Variants in ATRX observed in about 807,000 individuals in gnomAD.
ATRX encodes the protein chromatin remodeler ATRX.
Under a neutral mutation model 172.6 loss-of-function variants are expected in ATRX, and 12 were observed. The observed-to-expected ratio is 0.07, with a 90% confidence interval of 0.04 to 0.11. ATRX has a LOEUF of 0.11. ATRX is among the 10% of genes least tolerant of loss of function. The pLI is 1.00. For synonymous variants in ATRX, 674 were observed against 594.7 expected (o/e 1.13, Z -1.94); for missense variants, 1,368 against 1,767.4 (o/e 0.77, Z 4.05).
At chrX:77,636,199 C>T in intron 15 of ATRX, 143 bp from the exon 16 acceptor site, 1 of 597,499 alleles carries the variant, frequency 1.7e-6, no homozygotes, top group Non-Finnish European at 2.7e-6. Context: ...ATCTGTGTCC[C>T]CACCAAATCT....
intron 1 of ATRX, among the ~76,000 whole-genome samples, chrX:77,743,103 C>G (rs1557183092): frequency 9.0e-6 from 1 of 110,578 alleles, no homozygotes; most frequent in African/African-American, 3.3e-5. Context: ...AACACCACCC[C>G]CAGGATTTGA....
intron 7 of ATRX, among the ~76,000 whole-genome samples, chrX:77,685,938 C>A (rs969867068): frequency 2.7e-5 from 3 of 111,783 alleles, no homozygotes; most frequent in Non-Finnish European, 3.8e-5. Context: ...ATAAGCCAGG[C>A]ACAGAAAGAC....
chrX:77,725,704 A>T (rs1295635808), intron 1 of ATRX, among the ~76,000 whole-genome samples: 2 of 112,148 alleles, frequency 1.8e-5, no homozygotes, highest in Non-Finnish European at 3.8e-5. Flanking sequence ...AATGGGAGAA[A>T]ATTTTTGCAA....
At position 77,663,421 on chromosome X, in the gene ATRX, T is replaced by G; in HGVS notation, c.4081A>C (p.Lys1361Gln). Residue 1361 changes from lysine to glutamine, a missense_variant, in exon 12 of 35, where the codon AAA becomes CAA. Physicochemically the swap from Lys to Gln is moderately conservative, Grantham distance 53. Around this residue, in one of 17 missense-constraint regions of ATRX, gnomAD observed 119 missense variants for 131.3 expected, o/e 0.91. Transcript: ENST00000373344. ...ESGEEKKTKPKEHKEVKGRNR... is the reference protein window; with the variant it reads ...ESGEEKKTKPQEHKEVKGRNR... ...CTGCCTTTGACTTCTTTATGCTCTT[T>G]AGGCTTTGTCTTTTTTTCTTCTCCA... 2 of 1,211,989 alleles carry G rather than the reference T, an allele frequency of 1.7e-6. No individual in the cohort carries two copies. The highest frequency in any genetic ancestry group is 1.1e-6 in the Non-Finnish European group (1 of 895,535).
At chrX:77,574,096 T>C (rs1350374901) in intron 28 of ATRX, among the ~76,000 whole-genome samples, 154 bp downstream of exon 28, 1 of 111,883 alleles carries the variant, frequency 8.9e-6, no homozygotes, top group African/African-American at 3.2e-5. Context: ...CATAAGTGAA[T>C]TCAGTGGTTA....
intron 1 of ATRX, among the ~76,000 whole-genome samples, chrX:77,739,410 T>G (rs1364067030): frequency 1.8e-5 from 2 of 108,281 alleles, no homozygotes; most frequent in Non-Finnish European, 3.8e-5. Context: ...ATCAGATATA[T>G]ATATATCAGT....
At chrX:77,607,708 C>CAAAAAAAA (rs35946932) in intron 22 of ATRX, among the ~76,000 whole-genome samples, 9 of 41,137 alleles carry the variant, frequency 2.2e-4, no homozygotes, top group African/African-American at 2.9e-4. Flanking sequence ...GACTCTGTCT[C>CAAAAAAAA]AAAAAAAAAA....
At chrX:77,513,316 CAAAAAA>C (rs1217104194) in intron 34 of ATRX, among the ~76,000 whole-genome samples, 5 of 25,663 alleles carry the variant, frequency 1.9e-4, no homozygotes, top group Non-Finnish European at 2.9e-4. Flanking sequence ...GACTCCGTCT[CAAAAAA>C]AAAAAAAAAA....
At chrX:77,567,435 T>C (rs2065239711) in intron 28 of ATRX, among the ~76,000 whole-genome samples, 1 of 110,930 alleles carries the variant, frequency 9.0e-6, no homozygotes, top group Non-Finnish European at 1.9e-5. Context: ...CAAACACCAA[T>C]CAAAATAAAA....
intron 30 of ATRX, among the ~76,000 whole-genome samples, chrX:77,543,977 G>A (rs1569520492): frequency 9.3e-6 from 1 of 106,979 alleles, no homozygotes; most frequent in East Asian, 2.9e-4. Context: ...TATATATATT[G>A]GACACAAGCA....
rs959739617 is a variant in ATRX, at chrX:77,696,590, C to T, written c.357G>A (p.Gln119=). The T allele has an allele frequency of 5.0e-6, 6 of 1,207,369 alleles. No individual in the cohort carries two copies. The highest frequency in any genetic ancestry group is 6.7e-6 in the Non-Finnish European group (6 of 891,880). Reference sequence around the variant, plus strand: ...AACACACATTACCTTTTGGCAAGCTCTGCATAGTAATATCATTTTCTGAAT... The same window carrying T: ...AACACACATTACCTTTTGGCAAGCTTTGCATAGTAATATCATTTTCTGAAT... ...NENSENDITM[Q]SLPKGTVIVQ... Residue 119 remains glutamine (Q), a synonymous_variant, in exon 5 of 35, where the codon CAG becomes CAA. Transcript: ENST00000373344.
At chrX:77,518,479 C>T (rs992666050) in intron 34 of ATRX, among the ~76,000 whole-genome samples, 5 of 111,678 alleles carry the variant, frequency 4.5e-5, no homozygotes, top group African/African-American at 1.6e-4. Flanking sequence ...ATGAAAACTA[C>T]ACAATGCTGA....
intron 2 of ATRX, among the ~76,000 whole-genome samples, chrX:77,715,683 C>T (rs1442408519): frequency 9.0e-6 from 1 of 111,228 alleles, no homozygotes; most frequent in Non-Finnish European, 1.9e-5. Context: ...TATGACATGC[C>T]TAGCTGTAGT....
intron 1 of ATRX, among the ~76,000 whole-genome samples, chrX:77,725,225 T>C (rs1557171959): frequency 1.8e-5 from 2 of 111,458 alleles, no homozygotes; most frequent in African/African-American, 3.3e-5. Context: ...CAAACTATAC[T>C]ACAAGGCTAC....
intron 2 of ATRX, among the ~76,000 whole-genome samples, chrX:77,709,165 T>C (rs1353838859): frequency 1.8e-5 from 2 of 111,117 alleles, no homozygotes; most frequent in Non-Finnish European, 1.9e-5. Flanking sequence ...GCCTAGGAGT[T>C]TGAGGCTGCA....
chrX:77,729,279 TAGC>T (rs1356567773), intron 1 of ATRX, among the ~76,000 whole-genome samples: 2 of 111,287 alleles, frequency 1.8e-5, no homozygotes, highest in Non-Finnish European at 3.8e-5. Flanking sequence ...TAACCAAAAA[TAGC>T]AGGCTATAAA....
At position 77,542,978 on chromosome X, in the gene ATRX, A is replaced by G. The variant is rs192834938; in HGVS notation, c.6699+14473T>C. 5.3e-5 allele frequency among the ~76,000 whole-genome samples: 6 copies of G among 112,231 alleles called. No individual in the cohort carries two copies. In the East Asian group the frequency reaches 1.1e-3, roughly 21 times the overall value. ...TTGATAAATGGGATGTAATTAAACT[A>G]AAGAGCTTCTGCACAGCAAAAGAAA... is the stretch of plus-strand genomic sequence containing the variant. On this transcript the variant is annotated intron_variant, in intron 30 of 34. Transcript: ENST00000373344.
chrX:77,701,363 T>C lies in ATRX; in HGVS notation c.134-2734A>G, dbSNP rs1196993790. Among the ~76,000 whole-genome samples the C allele has an allele frequency of 2.7e-5, 3 of 109,824 alleles. No individual in the cohort carries two copies. The East Asian group carries it at 8.6e-4, about 32-fold the overall frequency. The stretch of plus-strand genomic sequence containing the variant: ...CCTGTTGCTACTAAAAATACAAAAA[T>C]TAGCTGGGCGTGGTGGCATGCACCT... On this transcript the variant is annotated intron_variant, in intron 2 of 34. Coordinates refer to ENST00000373344, the MANE Select transcript of ATRX (RefSeq NM_000489.6).
chrX:77,646,616 C>T (rs2068930621), intron 15 of ATRX, among the ~76,000 whole-genome samples: 1 of 111,367 alleles, frequency 9.0e-6, no homozygotes, highest in African/African-American at 3.3e-5. Flanking sequence ...ATATAGGACT[C>T]GAATAACACT....
Sources: gnomAD v4.1 joint callset for allele counts (sites outside exome capture counted in the v4.1 genomes callset) on GRCh38, gnomAD v4.1.1 for gene constraint, gnomAD v4.1.1 regional missense constraint, MANE v1.5 for transcripts, NCBI Gene and HGNC (gene_info 2026-07-23, HGNC 2026-07-21) for gene names.